Variants in FADS2 observed in about 807,000 individuals in gnomAD.
FADS2 encodes fatty acid desaturase 2.
Under a neutral mutation model 61.2 loss-of-function variants are expected in FADS2, and 18 were observed. That is an observed-to-expected ratio of 0.29 (90% CI 0.20 to 0.44). FADS2 has a LOEUF of 0.44. FADS2 is among the 20% of genes least tolerant of loss of function. The probability of loss-of-function intolerance (pLI) is 1.00; values close to 1 mark genes in which losing one functional copy is unlikely to be tolerated. For missense variants in FADS2, 322 were observed against 572.7 expected (o/e 0.56, Z 4.47); for synonymous variants, 203 against 223.9 (o/e 0.91, Z 0.83).
In FADS2 at chr11:61,857,531, G is replaced by T; in HGVS notation, c.882+1G>T. ...CATGATCGTCCATAAGAACTGGGTG[G>T]TGAGTTGGGGACACAGCTGGCTTGG... On this transcript the variant is annotated splice_donor_variant, in intron 7 of 11. Coordinates refer to ENST00000278840, the MANE Select transcript of FADS2 (RefSeq NM_004265.4). LOFTEE classifies it high-confidence loss of function. 6.2e-7 allele frequency: 1 copy of T among 1,613,002 alleles called. No homozygotes were observed. Among genetic ancestry groups the T allele is most frequent in the Non-Finnish European group, 8.5e-7 (1 of 1,179,052 alleles).
Position 61,857,127 on chromosome 11 carries a change from C to T in FADS2, c.805+56C>T, listed in dbSNP as rs374558244. ...GGACCCTCCCCTCCCCCCAGAGTGG[C>T]GTGTCTCTCCCTCCTACCTGACATC... On this transcript the variant is annotated intron_variant, in intron 6 of 11. Transcript: ENST00000278840. 2.0e-4 allele frequency: 281 copies of T among 1,401,486 alleles called. 3 individuals carry two copies. Among genetic ancestry groups the T allele is most frequent in the East Asian group, 4.1e-4 (18 of 43,824 alleles). 86.8% of individuals were successfully genotyped at this position (1,401,486 alleles called of 1,614,324 possible).
At position 61,863,763 on chromosome 11, in the gene FADS2, C is replaced by T. The variant is rs773140094; in HGVS notation, c.1134C>T (p.His378=). The stretch of plus-strand genomic sequence containing the variant: ...TCTTCAACGACTGGTTCAGTGGACA[C>T]CTTAACTTCCAGATTGAGCACCAGT... The part of the protein sequence containing the change: ...QSFFNDWFSG[H]LNFQIEHHLF... Residue 378 remains histidine (H), a synonymous_variant, in exon 10 of 12, where the codon CAC becomes CAT. Coordinates refer to ENST00000278840, the MANE Select transcript of FADS2 (RefSeq NM_004265.4). The T allele has an allele frequency of 1.2e-5, 19 of 1,614,036 alleles. No homozygotes were observed. The highest frequency in any genetic ancestry group is 1.5e-5 in the Non-Finnish European group (18 of 1,179,982).
intron 5 of FADS2, chr11:61,856,085 C>T (rs2067356326): frequency 6.6e-6 from 1 of 152,328 alleles, no homozygotes; most frequent in African/African-American, 2.4e-5. Flanking sequence ...CCCAGCCTCC[C>T]CACACTGCAA....
At chr11:61,827,759 C>G (rs573384169), upstream of FADS2, 1 of 152,372 alleles carries the variant, frequency 6.6e-6, no homozygotes, top group South Asian at 2.1e-4. This position sits in a 1 kb window ranked among gnomAD's most constrained non-coding sequence, Gnocchi z 4.5. Context: ...CGCGCGGAGC[C>G]CATTCGTTGC....
chr11:61,820,757 G>A (rs1021644285), intron 1 of FADS2, among the ~76,000 whole-genome samples: 5 of 151,940 alleles, frequency 3.3e-5, no homozygotes, highest in African/African-American at 1.2e-4. Flanking sequence ...AAATTAGCCG[G>A]GTGTGGTGGG....
intron 7 of FADS2, 53 bp from the exon 8 acceptor site, chr11:61,862,919 G>A (rs2067430302): frequency 6.9e-7 from 1 of 1,450,804 alleles, no homozygotes; most frequent in South Asian, 1.1e-5. Context: ...CACGCACTTG[G>A]TGCCAGGGCA....
Position 61,846,131 on chromosome 11 carries a change from C to CTTTTTTT in FADS2, c.619-2016_619-2010dup, listed in dbSNP as rs550169322. Among the ~76,000 whole-genome samples, 17 of 130,450 alleles carry CTTTTTTT rather than the reference C, an allele frequency of 1.3e-4. No homozygotes were observed. The East Asian group carries it at 3.7e-3, about 29-fold the overall frequency. The allele number at this position is 130,450 out of a possible 152,430, so 85.6% of individuals were successfully genotyped here. ...CCTCTAAGCTTTCTTTCTTTCTTTT[C>CTTTTTTT]TTTTTTTTTTTTTTTTTTGAGACAG... On this transcript the variant is annotated intron_variant, in intron 4 of 11. Coordinates refer to ENST00000278840, the MANE Select transcript of FADS2 (RefSeq NM_004265.4).
chr11:61,865,859 C>G lies in FADS2; in HGVS notation c.*170C>G. ...CTCTCCTTTTTCTCTTCACATCTCC[C>G]CCATAGCACCCTGCCCTCATGGGAC... On this transcript the variant is annotated 3_prime_UTR_variant, in exon 12 of 12. Coordinates refer to ENST00000278840, the MANE Select transcript of FADS2 (RefSeq NM_004265.4). The surrounding 1 kb of genome is among the most constrained non-coding windows in gnomAD (Gnocchi z 4.1). 1 of 621,060 alleles carries G rather than the reference C, an allele frequency of 1.6e-6. No individual in the cohort carries two copies. Among genetic ancestry groups the G allele is most frequent in the Non-Finnish European group, 2.9e-6 (1 of 348,030 alleles). 38.5% of individuals were successfully genotyped at this position (621,060 alleles called of 1,614,324 possible).
upstream of FADS2, among the ~76,000 whole-genome samples, chr11:61,825,858 A>C (rs1286550640): frequency 6.6e-6 from 1 of 152,100 alleles, no homozygotes; most frequent in African/African-American, 2.4e-5. Flanking sequence ...GCACCACTGC[A>C]CTCTAGCCTG....
Position 61,844,781 on chromosome 11 carries a change from C to T in FADS2, c.619-3378C>T, listed in dbSNP as rs1483867172. Among the ~76,000 whole-genome samples the T allele has an allele frequency of 9.3e-5, 14 of 149,944 alleles. No individual in the cohort carries two copies. In the South Asian group the frequency reaches 1.1e-3, roughly 11 times the overall value. ...TCCACTAAAAATACAAAAAATTAGCCGGGCGTGGTGGCACACGCCTGCAGT... is the reference window on the plus strand; with the variant it reads ...TCCACTAAAAATACAAAAAATTAGCTGGGCGTGGTGGCACACGCCTGCAGT... On this transcript the variant is annotated intron_variant, in intron 4 of 11. Transcript: ENST00000278840.
At chr11:61,863,922 G>A in intron 10 of FADS2, 136 bp downstream of exon 10, 2 of 723,968 alleles carry the variant, frequency 2.8e-6, no homozygotes, top group Non-Finnish European at 4.8e-6. Flanking sequence ...ATAGAGCAAG[G>A]CTCCCAGCCA....
intron 5 of FADS2, among the ~76,000 whole-genome samples, chr11:61,850,400 A>G (rs1030084822): frequency 3.3e-5 from 5 of 152,068 alleles, no homozygotes; most frequent in Admixed American, 1.3e-4. Flanking sequence ...ACAGGTGCAC[A>G]CCACCACGCC....
At chr11:61,859,142 C>G (rs958812881) in intron 7 of FADS2, among the ~76,000 whole-genome samples, 1 of 152,188 alleles carries the variant, frequency 6.6e-6, no homozygotes, top group Non-Finnish European at 1.5e-5. Flanking sequence ...ACCGAAACCT[C>G]TGCCTCCTGG....
chr11:61,853,231 C>CTCTT (rs138194593), intron 5 of FADS2, among the ~76,000 whole-genome samples: 2 of 121,662 alleles, frequency 1.6e-5, no homozygotes, highest in Non-Finnish European at 3.5e-5. Context: ...TTTCTTTCTT[C>CTCTT]TCTTTCTTTC....
chr11:61,853,869 G>T (rs935869372), intron 5 of FADS2, among the ~76,000 whole-genome samples: 1 of 152,156 alleles, frequency 6.6e-6, no homozygotes, highest in Non-Finnish European at 1.5e-5. Flanking sequence ...TGGACAAGGA[G>T]GGCCCTTGTC....
chr11:61,857,461 GC>G lies in FADS2; in HGVS notation c.815del (p.Pro272ArgfsTer14). 1 of 1,613,910 alleles carries G rather than the reference GC, an allele frequency of 6.2e-7. No individual in the cohort carries two copies. The highest frequency in any genetic ancestry group is 8.5e-7 in the Non-Finnish European group (1 of 1,179,930). On this transcript the variant is annotated frameshift_variant, in exon 7 of 12. Transcript: ENST00000278840. LOFTEE classifies it high-confidence loss of function. The part of the protein sequence containing the change: ...QHEYFFLIGP[P>X]LLIPMYFQYQ... ...CCTGTCTCTCTCCTGCAGTTGGGCC[GC>G]CGCTGCTCATCCCCATGTATTTCCA...
chr11:61,859,449 G>T (rs174605), intron 7 of FADS2, among the ~76,000 whole-genome samples: 30,467 of 152,192 alleles, frequency 0.2, 3,836 homozygotes, highest in Middle Eastern at 0.31. Flanking sequence ...TTATCTCCAA[G>T]TCTTGGACCC....
chr11:61,853,578 A>ATCCTCC (rs1344953671), intron 5 of FADS2, among the ~76,000 whole-genome samples: 2 of 151,788 alleles, frequency 1.3e-5, no homozygotes, highest in Non-Finnish European at 2.9e-5. Context: ...GGTGCCTGAG[A>ATCCTCC]TCCTCCTCCT....
intron 1 of FADS2, among the ~76,000 whole-genome samples, chr11:61,830,473 C>T (rs1315140717): frequency 6.6e-6 from 1 of 152,210 alleles, no homozygotes; most frequent in Non-Finnish European, 1.5e-5. Context: ...AAAATCAGTG[C>T]TCACATCTCT....
Sources: allele counts gnomAD v4.1 joint callset (sites outside exome capture counted in the v4.1 genomes callset), GRCh38; gene constraint gnomAD v4.1.1; non-coding constraint Gnocchi (gnomAD v3.1); transcripts MANE v1.5; gene names NCBI Gene and HGNC (gene_info 2026-07-23, HGNC 2026-07-21).